Variants in ZC3H11A observed in about 807,000 individuals in gnomAD.
The protein encoded by ZC3H11A is zinc finger CCCH domain-containing protein 11A.
In ZC3H11A, 22 loss-of-function variants were observed where a neutral mutation model predicts 90.8. The observed-to-expected ratio is 0.24, with a 90% CI of 0.17 to 0.35. The LOEUF is 0.35. ZC3H11A is among the 10% of genes least tolerant of loss of function. The pLI is 1.00. For missense variants in ZC3H11A, 701 were observed against 964.9 expected (o/e 0.73, Z 3.62); for synonymous variants, 294 against 339.8 (o/e 0.87, Z 1.48).
chr1:203,815,343 G>A (rs927695850), intron 2 of ZC3H11A, among the ~76,000 whole-genome samples: 4 of 135,274 alleles, frequency 3.0e-5, no homozygotes, highest in Admixed American at 2.3e-4. Flanking sequence ...GCTCCCCCGT[G>A]TAGCTGGGAT....
chr1:203,797,524 T>A, intron 1 of ZC3H11A: 1 of 1,495,674 alleles, frequency 6.7e-7, no homozygotes, highest in Non-Finnish European at 8.8e-7. Flanking sequence ...ATAAAGAGAA[T>A]GAGTGTATGT....
intron 2 of ZC3H11A, among the ~76,000 whole-genome samples, chr1:203,810,411 T>G (rs187259967): frequency 6.6e-6 from 1 of 151,240 alleles, no homozygotes; most frequent in African/African-American, 2.4e-5. Context: ...TGTTTTACAT[T>G]GTAGCTGTTA....
In ZC3H11A at chr1:203,842,631, T is replaced by TC. The variant is rs1376017189; in HGVS notation, c.1042+2257_1042+2258insC. ...GGGGAGGGGGAGGGGGAATCTTTTT[T>TC]TTTTTTTTTTAAGTTTATTTTCTTA... On this transcript the variant is annotated intron_variant, in intron 12 of 17. Transcript: ENST00000367210. Among the ~76,000 whole-genome samples, 7 of 151,004 alleles carry TC rather than the reference T, an allele frequency of 4.6e-5. No individual in the cohort carries two copies. The East Asian group carries it at 1.2e-3, about 25-fold the overall frequency.
intron 1 of ZC3H11A, chr1:203,799,893 T>C: frequency 6.5e-7 from 1 of 1,536,082 alleles, no homozygotes; most frequent in East Asian, 2.4e-5. Context: ...TTTAGAAACT[T>C]ATAAGCAGTT....
chr1:203,848,441 G>A, intron 14 of ZC3H11A, 34 bp downstream of exon 14: 1 of 1,508,954 alleles, frequency 6.6e-7, no homozygotes. Context: ...TTTTGTTCAT[G>A]GCAAACAAAG....
chr1:203,809,495 G>C (rs924260310), intron 2 of ZC3H11A, among the ~76,000 whole-genome samples: 1 of 151,976 alleles, frequency 6.6e-6, no homozygotes, highest in Admixed American at 6.6e-5. Flanking sequence ...TTTCATAGTG[G>C]TATGTTCATT....
chr1:203,797,395 C>T (rs924668731), intron 1 of ZC3H11A: 2 of 866,322 alleles, frequency 2.3e-6, no homozygotes, highest in Non-Finnish European at 1.7e-6. Context: ...GTTATTGGTC[C>T]AGTGGGAATT....
rs575847227 is a variant in ZC3H11A at position 203,835,993 on chromosome 1, A to G, written c.875-1973A>G. ...GGAGAGCTAAGAGCAGTATTTTAAT[A>G]TCTCAGCATGTATTTAGAGTACAAA... On this transcript the variant is annotated intron_variant, in intron 10 of 17. Coordinates refer to ENST00000367210, the MANE Select transcript of ZC3H11A (RefSeq NM_001376342.1). The G allele has an allele frequency of 3.9e-4, 62 of 158,140 alleles. 1 individual carries two copies. The East Asian group carries it at 0.01, about 26-fold the overall frequency. The allele number at this position is 158,140 out of a possible 1,614,324, so 9.8% of individuals were successfully genotyped here.
intron 12 of ZC3H11A, among the ~76,000 whole-genome samples, chr1:203,845,801 T>C (rs1239766494): frequency 6.6e-6 from 1 of 151,990 alleles, no homozygotes; most frequent in African/African-American, 2.4e-5. Flanking sequence ...GAGATGTAGG[T>C]TGCGGTGAGT....
chr1:203,848,355 A>G lies in ZC3H11A; in HGVS notation c.1571A>G (p.Gln524Arg). 3 of 1,613,180 alleles carry G rather than the reference A, an allele frequency of 1.9e-6. No homozygotes were observed. Among genetic ancestry groups the G allele is most frequent in the Non-Finnish European group, 1.7e-6 (2 of 1,179,654 alleles). The change falls in exon 14 of 18, where the codon CAG (glutamine) becomes CGG (arginine). Residue 524 changes from glutamine to arginine, a missense_variant. Gln to Arg is a conservative substitution (Grantham distance 43). This residue lies in a region of ZC3H11A where 530 missense variants were observed against 696.2 expected (regional missense o/e 0.76). Coordinates refer to ENST00000367210, the MANE Select transcript of ZC3H11A (RefSeq NM_001376342.1). ...RTGMKEEKNL[Q>R]EGNEVDSQSS... ...GGGATGAAAGAAGAGAAGAACCTTC[A>G]GGAAGGAAATGAAGTTGATTCTCAG...
chr1:203,828,484 A>G, intron 5 of ZC3H11A, 62 bp downstream of exon 5: 1 of 1,540,554 alleles, frequency 6.5e-7, no homozygotes, highest in South Asian at 1.2e-5. Context: ...ACACTGTACA[A>G]CAGTACTTTT....
At chr1:203,813,856 C>A (rs1174983907) in intron 2 of ZC3H11A, among the ~76,000 whole-genome samples, 2 of 152,046 alleles carry the variant, frequency 1.3e-5, no homozygotes, top group Non-Finnish European at 2.9e-5. Context: ...CTGTCTCTTT[C>A]ATTTTAAGCT....
chr1:203,849,637 T>G, intron 14 of ZC3H11A, 74 bp from the exon 15 acceptor site: 1 of 1,410,882 alleles, frequency 7.1e-7, no homozygotes, highest in Non-Finnish European at 9.8e-7. Flanking sequence ...AACTTAGATG[T>G]TAGCCTGGTA....
At chr1:203,825,027 A>G (rs1239072214) in intron 4 of ZC3H11A, among the ~76,000 whole-genome samples, 1 of 147,176 alleles carries the variant, frequency 6.8e-6, no homozygotes, top group Non-Finnish European at 1.5e-5. Flanking sequence ...CAGTGAGACA[A>G]GATTGTGCCA....
At chr1:203,797,566 C>T in intron 1 of ZC3H11A, 2 of 1,531,198 alleles carry the variant, frequency 1.3e-6, no homozygotes, top group African/African-American at 1.4e-5. Flanking sequence ...TCACTCTCTC[C>T]TGGCAGAAGA....
chr1:203,804,731 G>C (rs554211686), intron 2 of ZC3H11A, among the ~76,000 whole-genome samples: 128 of 148,972 alleles, frequency 8.6e-4, no homozygotes, highest in African/African-American at 2.9e-3. Context: ...GGAGTGCAAT[G>C]GTGCTGTCTT....
intron 2 of ZC3H11A, among the ~76,000 whole-genome samples, chr1:203,810,421 A>T (rs1400128761): frequency 1.4e-5 from 2 of 138,576 alleles, no homozygotes; most frequent in East Asian, 2.6e-4. Flanking sequence ...TGTAGCTGTT[A>T]GGTTTTTTTT....
At chr1:203,814,526 A>AG (rs1477045418) in intron 2 of ZC3H11A, among the ~76,000 whole-genome samples, 1 of 152,062 alleles carries the variant, frequency 6.6e-6, no homozygotes, top group Non-Finnish European at 1.5e-5. Flanking sequence ...TCCATCTCAA[A>AG]GAAAAAAAAA....
In ZC3H11A at chr1:203,796,027, C is replaced by A. The variant is rs1333648105; in HGVS notation, c.-1588+233C>A. 2.1e-5 allele frequency: 3 copies of A among 145,972 alleles called. 1 individual carries two copies. The South Asian group carries it at 6.7e-4, about 33-fold the overall frequency. 9.0% of individuals were successfully genotyped at this position (145,972 alleles called of 1,614,324 possible). The stretch of plus-strand genomic sequence containing the variant: ...TCCCGCTCACTTTTCCCATCCTCCC[C>A]ACCCCCACCCCGTTCACCCCACCCC... On this transcript the variant is annotated intron_variant, in intron 1 of 17. Transcript: ENST00000367210.
Sources: gnomAD v4.1 joint callset for allele counts (sites outside exome capture counted in the v4.1 genomes callset) on GRCh38, gnomAD v4.1.1 for gene constraint, gnomAD v4.1.1 regional missense constraint, MANE v1.5 for transcripts, NCBI Gene and HGNC (gene_info 2026-07-23, HGNC 2026-07-21) for gene names.